FAM180A: variants seen among roughly 807,000 people sequenced by gnomAD.
FAM180A encodes the protein family with sequence similarity 180 member A.
FAM180A carries 14 observed loss-of-function variants against 15.3 expected under a neutral mutation model. The observed-to-expected ratio is 0.92, with a 90% confidence interval of 0.61 to 1.43. The LOEUF is 1.43. FAM180A is among the 40% of genes most tolerant of loss of function. The probability of loss-of-function intolerance (pLI) is 0.00; values close to 1 mark genes in which losing one functional copy is unlikely to be tolerated. For synonymous variants in FAM180A, 90 were observed against 96.8 expected (o/e 0.93, Z 0.41); for missense variants, 200 against 220.8 (o/e 0.91, Z 0.60).
rs1194970354 is a variant in FAM180A, at chr7:135,733,838, G to T, written c.*137C>A. The T allele has an allele frequency of 7.1e-7, 1 of 1,410,186 alleles. No individual in the cohort carries two copies. The highest frequency in any genetic ancestry group is 1.4e-5 in the African/African-American group (1 of 69,080). 87.4% of individuals were successfully genotyped at this position (1,410,186 alleles called of 1,614,324 possible). ...AACTACAAGGAGAAAAGAGCATCGG[G>T]GTTACTGTTTGATCTCTGCTGCTCT... On this transcript the variant is annotated 3_prime_UTR_variant, in exon 3 of 4. Coordinates refer to ENST00000338588, the MANE Select transcript of FAM180A (RefSeq NM_205855.4).
chr7:135,733,099 A>G (rs1796812040), intron 3 of FAM180A, among the ~76,000 whole-genome samples: 1 of 152,196 alleles, frequency 6.6e-6, no homozygotes, highest in African/African-American at 2.4e-5. Context: ...GTTCAGACAT[A>G]AAGGTCATAA....
Position 135,734,102 on chromosome 7 carries a change from T to G in FAM180A, c.395A>C (p.Tyr132Ser). The part of the protein sequence containing the change: ...DFERTVLTLA[Y>S]TAYRTALSHG... The stretch of plus-strand genomic sequence containing the variant: ...GGACAGGGCTGTGCGGTAGGCTGTG[T>G]AGGCCAGGGTCAGCACTGTCCTTTC... The change falls in exon 3 of 4, where the codon TAC becomes TCC. Residue 132 changes from tyrosine to serine, a missense_variant. Physicochemically the swap from Tyr to Ser is moderately radical, Grantham distance 144. Coordinates refer to ENST00000338588, the MANE Select transcript of FAM180A (RefSeq NM_205855.4). 1 of 1,614,224 alleles carries G rather than the reference T, an allele frequency of 6.2e-7. No homozygotes were observed. The highest frequency in any genetic ancestry group is 8.5e-7 in the Non-Finnish European group (1 of 1,180,042).
intron 3 of FAM180A, among the ~76,000 whole-genome samples, chr7:135,731,478 CAG>C (rs900609470): frequency 1.3e-5 from 2 of 151,846 alleles, no homozygotes; most frequent in East Asian, 1.9e-4. Flanking sequence ...CATCAAAAAA[CAG>C]ATACAGAGAT....
chr7:135,744,117 A>G (rs543010077), intron 1 of FAM180A, among the ~76,000 whole-genome samples: 10 of 152,176 alleles, frequency 6.6e-5, no homozygotes, highest in South Asian at 2.1e-4. Context: ...TTTCTTGCCT[A>G]GACAAACAGC....
chr7:135,732,480 G>A (rs751980200), intron 3 of FAM180A, among the ~76,000 whole-genome samples: 1 of 152,176 alleles, frequency 6.6e-6, no homozygotes, highest in Non-Finnish European at 1.5e-5. Flanking sequence ...ATCACTTGAG[G>A]CCAGAAGTTT....
intron 3 of FAM180A, among the ~76,000 whole-genome samples, chr7:135,731,902 A>C (rs1796788525): frequency 6.6e-6 from 1 of 152,246 alleles, no homozygotes; most frequent in South Asian, 2.1e-4. Flanking sequence ...TTTCAGAATC[A>C]AATTTAGCCC....
Position 135,748,748 on chromosome 7 carries a change from C to A in FAM180A, c.-168G>T. 1.6e-6 allele frequency: 1 copy of A among 639,504 alleles called. No homozygotes were observed. The allele number at this position is 639,504 out of a possible 1,614,324, so 39.6% of individuals were successfully genotyped here. ...GCCTCAGAAGGCTGGAGGCTGAAGG[C>A]TGCGTCCTGGGTGGGACAGGAGTCG... On this transcript the variant is annotated 5_prime_UTR_variant, in exon 1 of 4. Transcript: ENST00000338588.
rs563867350 is a variant in FAM180A at position 135,741,088 on chromosome 7, G to A, written c.77-3889C>T. 4.9e-4 allele frequency among the ~76,000 whole-genome samples: 74 copies of A among 152,286 alleles called. 2 individuals are homozygous for A. The South Asian group carries it at 7.3e-3, about 15-fold the overall frequency. On this transcript the variant is annotated intron_variant, in intron 1 of 3. Transcript: ENST00000338588. ...CGCTGCCTGCCTGGAAGTTATTTAT[G>A]ATCTTAGACCTGGACTTTCTTCGCT...
intron 1 of FAM180A, among the ~76,000 whole-genome samples, chr7:135,738,894 G>T (rs571714857): frequency 3.4e-4 from 52 of 152,324 alleles, no homozygotes; most frequent in African/African-American, 1.2e-3. Context: ...AGACTACAAG[G>T]TGTTGGCACC....
At chr7:135,737,412 C>A (rs1284579515) in intron 1 of FAM180A, among the ~76,000 whole-genome samples, 1 of 136,818 alleles carries the variant, frequency 7.3e-6, no homozygotes, top group Non-Finnish European at 1.5e-5. Flanking sequence ...CATGGTGCAA[C>A]CCCATCTCTA....
rs953108402 is a variant in FAM180A at position 135,733,636 on chromosome 7, T to C, written c.*329+10A>G. On this transcript the variant is annotated intron_variant, in intron 3 of 3. Coordinates refer to ENST00000338588, the MANE Select transcript of FAM180A (RefSeq NM_205855.4). ...TGCTGGGATTACAGGCGTGAGCCTC[T>C]GTGCCCGGCCTGTTCTCACTCTTGA... The C allele has an allele frequency of 6.7e-6, 7 of 1,051,354 alleles. No homozygotes were observed. Among genetic ancestry groups the C allele is most frequent in the Middle Eastern group, 4.3e-4 (1 of 2,302 alleles). The allele number at this position is 1,051,354 out of a possible 1,614,324, so 65.1% of individuals were successfully genotyped here.
intron 1 of FAM180A, among the ~76,000 whole-genome samples, chr7:135,743,740 C>T (rs561696933): frequency 1.3e-5 from 2 of 152,298 alleles, no homozygotes; most frequent in Admixed American, 6.5e-5. Context: ...TTTCCCCTCA[C>T]TAGAGGGTAT....
intron 1 of FAM180A, among the ~76,000 whole-genome samples, chr7:135,738,148 T>C (rs1796897550): frequency 1.3e-5 from 2 of 152,252 alleles, no homozygotes; most frequent in Middle Eastern, 3.4e-3. Context: ...TAGGGCATCA[T>C]TGTGGGGTCA....
In FAM180A at chr7:135,734,091, G is replaced by A. The variant is rs150477398; in HGVS notation, c.406C>T (p.Arg136Cys). The change falls in exon 3 of 4, where the codon CGC (arginine) becomes TGC (cysteine). Residue 136 changes from arginine to cysteine, a missense_variant. Coordinates refer to ENST00000338588, the MANE Select transcript of FAM180A (RefSeq NM_205855.4). The stretch of plus-strand genomic sequence containing the variant: ...TGATGGCCGTGGGACAGGGCTGTGC[G>A]GTAGGCTGTGTAGGCCAGGGTCAGC... ...TVLTLAYTAY[R>C]TALSHGHQKD... 3.8e-5 allele frequency: 62 copies of A among 1,614,090 alleles called. No homozygotes were observed. The highest frequency in any genetic ancestry group is 4.7e-5 in the Non-Finnish European group (55 of 1,180,048).
At chr7:135,732,732 CACACACACAAG>C (rs1796803855) in intron 3 of FAM180A, among the ~76,000 whole-genome samples, 1 of 102,844 alleles carries the variant, frequency 9.7e-6, no homozygotes, top group Non-Finnish European at 2.0e-5. Context: ...CACACACACA[CACACACACAAG>C]AATGTTTGAA....
rs1436684764 is a variant in FAM180A at position 135,734,304 on chromosome 7, G to A, written c.193C>T (p.Leu65Phe). Residue 65 changes from leucine (L) to phenylalanine (F), a missense_variant, in exon 3 of 4, where the codon CTT (leucine) becomes TTT (phenylalanine). Leu to Phe is a conservative substitution (Grantham distance 22). Coordinates refer to ENST00000338588, the MANE Select transcript of FAM180A (RefSeq NM_205855.4). ...ELLYEFLLAE[L>F]EISPDLQISI... ...ATCTGCAGGTCAGGGCTGATCTCAA[G>A]TTCGGCCAGCAGGAACTGGTGAGAA... The A allele has an allele frequency of 1.3e-6, 2 of 1,595,090 alleles. No homozygotes were observed. The highest frequency in any genetic ancestry group is 2.7e-5 in the African/African-American group (2 of 74,288).
intron 1 of FAM180A, among the ~76,000 whole-genome samples, chr7:135,743,393 T>A (rs899695793): frequency 6.6e-5 from 10 of 152,082 alleles, no homozygotes; most frequent in Non-Finnish European, 1.0e-4. Flanking sequence ...TTATTTTTTT[T>A]AACTGGAGAT....
At chr7:135,744,913 G>A (rs560172163) in intron 1 of FAM180A, among the ~76,000 whole-genome samples, 206 of 152,190 alleles carry the variant, frequency 1.4e-3, no homozygotes, top group African/African-American at 4.7e-3. Context: ...TTTCTTTTTG[G>A]ATACAGGGTC....
In FAM180A at chr7:135,735,325, C is replaced by T. The variant is rs150322201; in HGVS notation, c.178-1006G>A. On this transcript the variant is annotated intron_variant, in intron 2 of 3. Coordinates refer to ENST00000338588, the MANE Select transcript of FAM180A (RefSeq NM_205855.4). ...AGTTTCTTTATATTTACTATAGGACCTCTGGAAAAATGTTCAGAGTTTGAA... is the reference window on the plus strand; with the variant it reads ...AGTTTCTTTATATTTACTATAGGACTTCTGGAAAAATGTTCAGAGTTTGAA... 6.6e-5 allele frequency among the ~76,000 whole-genome samples: 10 copies of T among 152,276 alleles called. 1 individual carries two copies. In the East Asian group the frequency reaches 1.9e-3, roughly 29 times the overall value.
Sources: allele counts gnomAD v4.1 joint callset (sites outside exome capture counted in the v4.1 genomes callset), GRCh38; gene constraint gnomAD v4.1.1; transcripts MANE v1.5; gene names NCBI Gene and HGNC (gene_info 2026-07-23, HGNC 2026-07-21).